The following PCDHA13 variants were observed in gnomAD, a reference collection of about 807,000 sequenced individuals.
PCDHA13 encodes the protein protocadherin alpha-13.
PCDHA13 carries 54 observed loss-of-function variants against 64.8 expected under a neutral mutation model. The ratio of observed to expected loss-of-function variants is 0.83; its 90% CI spans 0.67 to 1.04. The LOEUF (loss-of-function observed/expected upper bound fraction) is 1.04, where lower values mean the gene tolerates loss of function less well. Ranked by LOEUF, PCDHA13 falls within the 50% of genes least tolerant of loss-of-function variation. The pLI is 0.00. For missense variants in PCDHA13, 1,248 were observed against 1,254.3 expected, an observed-to-expected ratio of 0.99 and a Z score of 0.08; for synonymous variants, 587 against 564.4, an observed-to-expected ratio of 1.04 and a Z score of -0.57.
At position 140,884,049 on chromosome 5, in the gene PCDHA13, T is replaced by C. The variant is rs1268930422; in HGVS notation, c.1781T>C (p.Val594Ala). 2 of 1,613,296 alleles carry C rather than the reference T, an allele frequency of 1.2e-6. No individual in the cohort carries two copies. Among genetic ancestry groups the C allele is most frequent in the African/African-American group, 1.3e-5 (1 of 74,904 alleles). ...GGTGCAGGCCACGTGGTGGCGAAGG[T>C]GCGCGCGGTGGACGCCGATTCGGGC... ...SVGAGHVVAK[V>A]RAVDADSGYN... Residue 594 changes from valine (V) to alanine (A), a missense_variant, in exon 1 of 4, where the codon GTG becomes GCG. By Grantham distance (64) the Val-to-Ala change is moderately conservative (BLOSUM62 0). Transcript: ENST00000289272.
At chr5:140,984,576 C>G (rs1309554018) in intron 3 of PCDHA13, among the ~76,000 whole-genome samples, 1 of 152,104 alleles carries the variant, frequency 6.6e-6, no homozygotes, top group African/African-American at 2.4e-5. Context: ...CCATGGCAAC[C>G]TAATCATACT....
intron 3 of PCDHA13, among the ~76,000 whole-genome samples, chr5:141,007,395 CAAAAAAA>C (rs35800918): frequency 2.2e-3 from 204 of 94,846 alleles, no homozygotes; most frequent in African/African-American, 7.3e-3. Flanking sequence ...TACTAAAATA[CAAAAAAA>C]AAAAAAAAAA....
At chr5:140,947,524 A>G (rs894259499) in intron 1 of PCDHA13, among the ~76,000 whole-genome samples, 1 of 151,796 alleles carries the variant, frequency 6.6e-6, no homozygotes, top group Admixed American at 6.6e-5. Flanking sequence ...TTTAGAATCA[A>G]CTTTTCAATT....
intron 1 of PCDHA13, among the ~76,000 whole-genome samples, chr5:140,919,543 T>C (rs2079190617): frequency 6.6e-6 from 1 of 152,200 alleles, no homozygotes; most frequent in Non-Finnish European, 1.5e-5. Context: ...ATACTTTTCA[T>C]TTACTGATTT....
chr5:140,917,256 T>C (rs1043140553), intron 1 of PCDHA13, among the ~76,000 whole-genome samples: 6 of 151,524 alleles, frequency 4.0e-5, no homozygotes, highest in African/African-American at 7.3e-5. Context: ...ATTGCTCACC[T>C]GATGTTTGGT....
At chr5:140,915,572 C>A (rs2077180575) in intron 1 of PCDHA13, among the ~76,000 whole-genome samples, 1 of 151,988 alleles carries the variant, frequency 6.6e-6, no homozygotes, top group Non-Finnish European at 1.5e-5. Flanking sequence ...ATCTGGATTG[C>A]CAGGCAAAAG....
chr5:140,965,299 C>A (rs1295211520), intron 1 of PCDHA13, among the ~76,000 whole-genome samples: 4 of 152,134 alleles, frequency 2.6e-5, no homozygotes, highest in African/African-American at 7.2e-5. Context: ...TTCCTCTGAT[C>A]CTTCTACCTT....
At chr5:140,933,106 C>T (rs2088855819) in intron 1 of PCDHA13, among the ~76,000 whole-genome samples, 1 of 151,884 alleles carries the variant, frequency 6.6e-6, no homozygotes. Context: ...AAAGGTTGTT[C>T]TTAAGAAACA....
At chr5:140,978,246 C>G (rs1243560833) in intron 1 of PCDHA13, among the ~76,000 whole-genome samples, 1 of 152,148 alleles carries the variant, frequency 6.6e-6, no homozygotes, top group Admixed American at 6.5e-5. Context: ...TCAGCTACTC[C>G]CTGTTAAACA....
intron 1 of PCDHA13, among the ~76,000 whole-genome samples, chr5:140,960,822 T>C (rs1225829114): frequency 4.6e-5 from 7 of 152,080 alleles, no homozygotes; most frequent in African/African-American, 1.7e-4. Context: ...AAGTGATGAA[T>C]GGAAACTTGG....
intron 1 of PCDHA13, among the ~76,000 whole-genome samples, chr5:140,926,141 A>G (rs2082938262): frequency 6.6e-6 from 1 of 152,038 alleles, no homozygotes; most frequent in Non-Finnish European, 1.5e-5. Flanking sequence ...AGCAGGATCC[A>G]GCGCGGAAAG....
chr5:140,885,290 A>G (rs1344746797), intron 1 of PCDHA13, among the ~76,000 whole-genome samples: 2 of 152,190 alleles, frequency 1.3e-5, no homozygotes, highest in African/African-American at 4.8e-5. Context: ...ATATATAGAG[A>G]GAGACCTGGT....
chr5:141,010,265 G>A lies in PCDHA13; in HGVS notation c.*328G>A, dbSNP rs1554262846. ...GTTGGACTCTCTGCCCTGTGCTCCGGGGATCCTGTCTTGATGACACTTGCA... is the reference window on the plus strand; with the variant it reads ...GTTGGACTCTCTGCCCTGTGCTCCGAGGATCCTGTCTTGATGACACTTGCA... On this transcript the variant is annotated 3_prime_UTR_variant, in exon 4 of 4. Coordinates refer to ENST00000289272, the MANE Select transcript of PCDHA13 (RefSeq NM_018904.3). 6.4e-7 allele frequency: 1 copy of A among 1,551,726 alleles called. No homozygotes were observed. The highest frequency in any genetic ancestry group is 8.7e-7 in the Non-Finnish European group (1 of 1,147,006).
chr5:140,924,944 TA>T (rs11334471), intron 1 of PCDHA13, among the ~76,000 whole-genome samples: 51,245 of 142,818 alleles, frequency 0.36, 9,188 homozygotes, highest in East Asian at 0.56. Flanking sequence ...AATAAAAAGT[TA>T]AAAAAAAAAT....
chr5:140,899,619 A>G (rs2067442008), intron 1 of PCDHA13, among the ~76,000 whole-genome samples: 2 of 152,136 alleles, frequency 1.3e-5, no homozygotes, highest in Admixed American at 1.3e-4. Context: ...AATGTTCATC[A>G]AGGATATTGG....
At chr5:140,896,381 C>A (rs1235283612) in intron 1 of PCDHA13, among the ~76,000 whole-genome samples, 1 of 152,160 alleles carries the variant, frequency 6.6e-6, no homozygotes, top group Non-Finnish European at 1.5e-5. Context: ...TTCTCTGCAA[C>A]CTCACCAGCA....
intron 3 of PCDHA13, among the ~76,000 whole-genome samples, chr5:141,003,515 G>C (rs1402480495): frequency 1.3e-5 from 2 of 152,114 alleles, no homozygotes; most frequent in Admixed American, 6.5e-5. Flanking sequence ...GTTTCACCAT[G>C]TTCCCTAGGC....
chr5:140,966,454 C>A (rs897696652), intron 1 of PCDHA13: 2 of 426,524 alleles, frequency 4.7e-6, no homozygotes, highest in Non-Finnish European at 8.1e-6. Flanking sequence ...TCCCCCTCCC[C>A]CTCTGTCTTC....
rs116072877 is a variant in PCDHA13 at position 140,927,686 on chromosome 5, A to G, written c.2394+43024A>G. On this transcript the variant is annotated intron_variant, in intron 1 of 3. Transcript: ENST00000289272. ...GCCTTGGATCCAGATGAAGGGTCCA[A>G]TGGGGAAGTCCAGTACTCCCTAAGC... 796 of 1,614,196 alleles carry G rather than the reference A, an allele frequency of 4.9e-4. 3 individuals carry two copies. The African/African-American group carries it at 7.7e-3, about 16-fold the overall frequency.
Sources: allele counts gnomAD v4.1 joint callset (sites outside exome capture counted in the v4.1 genomes callset), GRCh38; gene constraint gnomAD v4.1.1; transcripts MANE v1.5; gene names NCBI Gene and HGNC (gene_info 2026-07-23, HGNC 2026-07-21).